Variants in SEC14L3 observed in about 807,000 individuals in gnomAD.
SEC14L3 encodes the protein SEC14-like protein 3.
A neutral mutation model predicts 57.4 loss-of-function variants in SEC14L3; 56 were observed. That is an observed-to-expected ratio of 0.97 (90% confidence interval 0.79 to 1.22). The LOEUF (loss-of-function observed/expected upper bound fraction) is 1.22. Among genes scored for constraint, SEC14L3 ranks in the 50% most tolerant of loss-of-function variants. The pLI is 0.00. For missense variants in SEC14L3, 485 were observed against 511.7 expected (o/e 0.95, Z 0.50); for synonymous variants, 173 against 194.4 (o/e 0.89, Z 0.92).
chr22:30,458,419 T>C (rs1468409916), downstream of SEC14L3, among the ~76,000 whole-genome samples: 4 of 152,162 alleles, frequency 2.6e-5, no homozygotes, highest in East Asian at 5.8e-4. Flanking sequence ...CTATGGCCTA[T>C]CACCTCCTCT....
chr22:30,454,888 T>TCA (rs1237633408), downstream of SEC14L3, among the ~76,000 whole-genome samples: 28 of 20,980 alleles, frequency 1.3e-3, 2 homozygotes, highest in African/African-American at 6.7e-3. Flanking sequence ...TTATTATATA[T>TCA]TATATAATAG....
intron 4 of SEC14L3, chr22:30,468,929 G>C: frequency 6.8e-7 from 1 of 1,477,848 alleles, no homozygotes; most frequent in Non-Finnish European, 9.0e-7. Context: ...GACTTCTTAG[G>C]TCTGCCCCTG....
rs1349484677 is a variant in SEC14L3, at chr22:30,471,915, G to T, written c.44C>A (p.Thr15Asn). 2 of 1,612,700 alleles carry T rather than the reference G, an allele frequency of 1.2e-6. No individual in the cohort carries two copies. Among genetic ancestry groups the T allele is most frequent in the Non-Finnish European group, 1.7e-6 (2 of 1,179,362 alleles). ...VGDLSPKQAE[T>N]LAKFRENVQD... ...GGGAGGGGCTCTCACCTTGGCCAGG[G>T]TCTCTGCCTGTTTGGGGCTCAGGTC... is the stretch of plus-strand genomic sequence containing the variant. Residue 15 changes from threonine (T) to asparagine (N), a missense_variant, in exon 1 of 12, where the codon ACC (threonine) becomes AAC (asparagine). Physicochemically the swap from Thr to Asn is moderately conservative, Grantham distance 65. Coordinates refer to ENST00000215812, the MANE Select transcript of SEC14L3 (RefSeq NM_174975.5).
At chr22:30,464,680 C>A (rs1264555927) in intron 8 of SEC14L3, 140 bp downstream of exon 8, 7 of 763,332 alleles carry the variant, frequency 9.2e-6, no homozygotes, top group African/African-American at 1.7e-5. Flanking sequence ...ATCCTCCTGC[C>A]TCAGCCTCCC....
chr22:30,449,323 ACTAAGGCATATG>A, intron 12 of SEC14L3: 1 of 1,519,402 alleles, frequency 6.6e-7, no homozygotes, highest in Middle Eastern at 1.7e-4. Flanking sequence ...GGTCACCAAT[ACTAAGGCATATG>A]CTAAGTTAGT....
intron 5 of SEC14L3, 63 bp downstream of exon 5, chr22:30,468,445 G>A: frequency 1.5e-6 from 2 of 1,303,454 alleles, no homozygotes; most frequent in South Asian, 2.6e-5. Flanking sequence ...GTGTTTCTGA[G>A]ACCAATCCCC....
In SEC14L3 at chr22:30,459,299, A is replaced by C; in HGVS notation, c.*722T>G. The C allele has an allele frequency of 6.1e-6, 6 of 985,446 alleles. No homozygotes were observed. The highest frequency in any genetic ancestry group is 7.2e-6 in the Non-Finnish European group (6 of 829,928). 61.0% of individuals were successfully genotyped at this position (985,446 alleles called of 1,614,324 possible). ...TTGCTTCCAGGAAAGTCCCTAAAAC[A>C]TAAGCTATGTGCAACAAGGGAAGTG... On this transcript the variant is annotated 3_prime_UTR_variant, in exon 12 of 12. Transcript: ENST00000215812.
chr22:30,462,740 C>CTT (rs201844599), intron 8 of SEC14L3, among the ~76,000 whole-genome samples: 2 of 142,444 alleles, frequency 1.4e-5, no homozygotes, highest in Non-Finnish European at 1.5e-5. Context: ...ATGGCACATT[C>CTT]TTTTTTTTTT....
rs1475936324 is a variant in SEC14L3, at chr22:30,471,993, A to G, written c.-35T>C. Reference sequence around the variant, plus strand: ...TGGGGCTTGAGGAGTGGTGGCCACTATAGGCAAGAGGCCAAGCCTAGTTTG... The same window carrying G: ...TGGGGCTTGAGGAGTGGTGGCCACTGTAGGCAAGAGGCCAAGCCTAGTTTG... On this transcript the variant is annotated 5_prime_UTR_variant, in exon 1 of 12. Transcript: ENST00000215812. 3 of 1,567,110 alleles carry G rather than the reference A, an allele frequency of 1.9e-6. No homozygotes were observed. The highest frequency in any genetic ancestry group is 2.6e-6 in the Non-Finnish European group (3 of 1,157,272).
intron 1 of SEC14L3, 49 bp downstream of exon 1, chr22:30,471,856 C>T (rs773188395): frequency 3.7e-6 from 6 of 1,612,638 alleles, no homozygotes; most frequent in African/African-American, 2.7e-5. Flanking sequence ...TTCCACCCCC[C>T]AGCCCCTTTC....
At position 30,464,850 on chromosome 22, in the gene SEC14L3, C is replaced by A. The variant is rs2090317358; in HGVS notation, c.634G>T (p.Asp212Tyr). The A allele has an allele frequency of 3.7e-6, 6 of 1,614,108 alleles. No homozygotes were observed. The African/African-American group carries it at 6.7e-5, about 18-fold the overall frequency. ...YNLMKPFLSE[D>Y]TRRKIIVLGN... ...AACACAATAATTTTCCTGCGAGTGT[C>A]CTCACTCAGGAATGGCTTCATGAGG... Residue 212 changes from aspartate to tyrosine, a missense_variant, in exon 8 of 12, where the codon GAC becomes TAC. By Grantham distance (160) the Asp-to-Tyr change is radical (BLOSUM62 -3). Transcript: ENST00000215812.
At chr22:30,449,308 C>A in intron 12 of SEC14L3, 1 of 1,542,204 alleles carries the variant, frequency 6.5e-7, no homozygotes. Context: ...TCCTGAACTC[C>A]AGAGGGTCAC....
chr22:30,469,648 G>A (rs978608972), intron 4 of SEC14L3, among the ~76,000 whole-genome samples: 2 of 152,186 alleles, frequency 1.3e-5, no homozygotes, highest in African/African-American at 4.8e-5. Context: ...AGAAGCACAG[G>A]CTAACCGTGG....
intron 12 of SEC14L3, among the ~76,000 whole-genome samples, chr22:30,451,434 A>C (rs1934979250): frequency 6.6e-6 from 1 of 152,120 alleles, no homozygotes; most frequent in South Asian, 2.1e-4. Flanking sequence ...GCCCCCCCTT[A>C]CCAAACAAAC....
At chr22:30,455,048 T>C (rs1935083850), downstream of SEC14L3, among the ~76,000 whole-genome samples, 1 of 64,242 alleles carries the variant, frequency 1.6e-5, no homozygotes, top group Non-Finnish European at 2.4e-5. Flanking sequence ...ATATAATAGA[T>C]ATACAATATA....
chr22:30,449,253 T>C (rs1934934323), intron 12 of SEC14L3: 1 of 1,549,918 alleles, frequency 6.5e-7, no homozygotes, highest in East Asian at 2.4e-5. Context: ...ATCTGTAAAA[T>C]TGAGGTGGTT....
intron 12 of SEC14L3, among the ~76,000 whole-genome samples, chr22:30,453,571 C>T (rs916884376): frequency 1.3e-5 from 2 of 152,194 alleles, no homozygotes; most frequent in Non-Finnish European, 2.9e-5. Flanking sequence ...CACCACCACG[C>T]CCAGCTAATT....
In SEC14L3 at chr22:30,468,712, T is replaced by G. The variant is rs1223812402; in HGVS notation, c.235-16A>C. ...TCTGGATCACCTGGGCATGAAAAGA[T>G]GCACAGAACTTGGCATTACACACCT... On this transcript the variant is annotated splice_polypyrimidine_tract_variant and intron_variant, in intron 4 of 11. Transcript: ENST00000215812. 6.2e-7 allele frequency: 1 copy of G among 1,613,740 alleles called. No homozygotes were observed. The highest frequency in any genetic ancestry group is 2.2e-5 in the East Asian group (1 of 44,848).
chr22:30,461,948 G>A (rs1172619188), intron 9 of SEC14L3, 138 bp downstream of exon 9: 1 of 1,056,016 alleles, frequency 9.5e-7, no homozygotes, highest in African/African-American at 1.6e-5. Flanking sequence ...AGCTCTGTAA[G>A]GGCGAGGGTT....
Sources: gnomAD v4.1 joint callset for allele counts (sites outside exome capture counted in the v4.1 genomes callset) on GRCh38, gnomAD v4.1.1 for gene constraint, MANE v1.5 for transcripts, NCBI Gene and HGNC (gene_info 2026-07-23, HGNC 2026-07-21) for gene names.